The following ADGRB3 variants were observed in gnomAD, a reference collection of about 807,000 sequenced individuals.
ADGRB3 encodes brain-specific angiogenesis inhibitor 3.
Under a neutral mutation model 193.4 loss-of-function variants are expected in ADGRB3, and 37 were observed. The ratio of observed to expected loss-of-function variants is 0.19; its 90% CI spans 0.15 to 0.25. ADGRB3 has a LOEUF of 0.25. ADGRB3 is among the 10% of genes least tolerant of loss of function. ADGRB3 has a pLI of 1.00. For missense variants in ADGRB3, 1,637 were observed against 1,852.9 expected (o/e 0.88, Z 2.14); for synonymous variants, 690 against 644.2 (o/e 1.07, Z -1.08).
chr6:68,759,463 G>C (rs1327708172), intron 3 of ADGRB3, among the ~76,000 whole-genome samples: 1 of 151,896 alleles, frequency 6.6e-6, no homozygotes, highest in Non-Finnish European at 1.5e-5. Flanking sequence ...AATTATATCT[G>C]TTAATTCTTT....
chr6:68,995,246 G>A (rs1769352117), intron 11 of ADGRB3, among the ~76,000 whole-genome samples: 1 of 152,106 alleles, frequency 6.6e-6, no homozygotes, highest in Non-Finnish European at 1.5e-5. Context: ...CTGCAGTTCT[G>A]AAATGCTTCT....
intron 17 of ADGRB3, chr6:69,232,546 G>C (rs1766166304): frequency 6.5e-7 from 1 of 1,535,692 alleles, no homozygotes. Flanking sequence ...TTCTGCCCCA[G>C]GGCAAAGAAG....
intron 17 of ADGRB3, among the ~76,000 whole-genome samples, chr6:69,143,985 TAAC>T (rs1774413159): frequency 6.6e-6 from 1 of 152,216 alleles, no homozygotes; most frequent in South Asian, 2.1e-4. Flanking sequence ...ATGGATATTT[TAAC>T]AATATTGATT....
intron 17 of ADGRB3, among the ~76,000 whole-genome samples, chr6:69,078,654 G>C (rs187785809): frequency 6.6e-6 from 1 of 151,944 alleles, no homozygotes; most frequent in East Asian, 1.9e-4. Flanking sequence ...TCTAAACTGT[G>C]CTTCTGTGTA....
At chr6:68,816,278 AATTATC>A (rs2127378167) in intron 3 of ADGRB3, among the ~76,000 whole-genome samples, 1 of 152,186 alleles carries the variant, frequency 6.6e-6, no homozygotes, top group African/African-American at 2.4e-5. Flanking sequence ...TTGGAATAAA[AATTATC>A]ATTATTTATT....
At chr6:69,175,292 A>C (rs1283194511) in intron 17 of ADGRB3, among the ~76,000 whole-genome samples, 1 of 152,044 alleles carries the variant, frequency 6.6e-6, no homozygotes, top group Admixed American at 6.5e-5. Flanking sequence ...TAAGTGTTTA[A>C]CCCATCTTGA....
chr6:69,276,229 A>AGG (rs1204357112), intron 20 of ADGRB3, among the ~76,000 whole-genome samples: 1 of 152,230 alleles, frequency 6.6e-6, no homozygotes, highest in Non-Finnish European at 1.5e-5. Context: ...AGGAAGAGAG[A>AGG]GTGGATACCA....
intron 3 of ADGRB3, among the ~76,000 whole-genome samples, chr6:68,862,259 TGTA>T (rs919787343): frequency 6.6e-6 from 1 of 152,154 alleles, no homozygotes; most frequent in Non-Finnish European, 1.5e-5. Context: ...ATATCTTTGA[TGTA>T]GTCAAAAGTT....
intron 3 of ADGRB3, among the ~76,000 whole-genome samples, chr6:68,661,502 C>CAT (rs1379171788): frequency 4.9e-5 from 4 of 81,544 alleles, no homozygotes; most frequent in Admixed American, 2.7e-4. Flanking sequence ...TGTGTGTATA[C>CAT]ATATATATGT....
At chr6:68,843,182 G>A (rs1267437347) in intron 3 of ADGRB3, among the ~76,000 whole-genome samples, 1 of 151,892 alleles carries the variant, frequency 6.6e-6, no homozygotes, top group South Asian at 2.1e-4. Context: ...CCTATCTAGA[G>A]CAATCAGAAA....
intron 2 of ADGRB3, 76 bp from the exon 3 acceptor site, chr6:68,638,585 T>C: frequency 7.3e-7 from 1 of 1,376,990 alleles, no homozygotes; most frequent in East Asian, 2.3e-5. Context: ...CAGCTGGCTG[T>C]AATATTGAAA....
intron 17 of ADGRB3, among the ~76,000 whole-genome samples, chr6:69,131,607 A>G (rs1021459269): frequency 6.6e-6 from 1 of 152,070 alleles, no homozygotes; most frequent in African/African-American, 2.4e-5. Context: ...TATAACAAGT[A>G]CATTTTAACT....
intron 3 of ADGRB3, among the ~76,000 whole-genome samples, chr6:68,739,178 G>C (rs1411293277): frequency 1.3e-5 from 2 of 152,164 alleles, no homozygotes; most frequent in Non-Finnish European, 2.9e-5. Flanking sequence ...TTAAAAGGTA[G>C]AAGGCTGAAT....
rs997218273 is a variant in ADGRB3 at position 68,721,571 on chromosome 6, T to C, written c.757+82139T>C. On this transcript the variant is annotated intron_variant, in intron 3 of 31. Transcript: ENST00000370598. ...AGCACACCAACGTGGCACATGTATA[T>C]ATATGTAACAAACCTGCACGTTGTG... is the stretch of plus-strand genomic sequence containing the variant. Among the ~76,000 whole-genome samples, 6 of 150,310 alleles carry C rather than the reference T, an allele frequency of 4.0e-5. No individual in the cohort carries two copies. The South Asian group carries it at 8.4e-4, about 21-fold the overall frequency.
At chr6:68,801,543 G>T (rs536719885) in intron 3 of ADGRB3, among the ~76,000 whole-genome samples, 1 of 152,118 alleles carries the variant, frequency 6.6e-6, no homozygotes, top group Admixed American at 6.5e-5. Context: ...CAAAAAAATG[G>T]CTGGGTGTGG....
chr6:69,387,255 A>G (rs1562006365), intron 31 of ADGRB3, among the ~76,000 whole-genome samples: 1 of 152,058 alleles, frequency 6.6e-6, no homozygotes. Flanking sequence ...CTGGTAGCTA[A>G]TATGGTGTCT....
At chr6:69,121,760 C>T (rs1438762468) in intron 17 of ADGRB3, among the ~76,000 whole-genome samples, 2 of 149,802 alleles carry the variant, frequency 1.3e-5, no homozygotes, top group Non-Finnish European at 3.0e-5. Context: ...GGCGTAGGCG[C>T]TCCTCACCTC....
Position 69,034,926 on chromosome 6 carries a change from ATTTG to A in ADGRB3, c.2108-13251_2108-13248del, listed in dbSNP as rs371431153. Among the ~76,000 whole-genome samples the A allele has an allele frequency of 3.3e-3, 494 of 151,986 alleles. 2 individuals carry two copies. The highest frequency in any genetic ancestry group is 0.012 in the African/African-American group (477 of 41,478). On this transcript the variant is annotated intron_variant, in intron 13 of 31. Transcript: ENST00000370598. The stretch of plus-strand genomic sequence containing the variant: ...AGAGTAAGCTATTGTTTGTTTGAGG[ATTTG>A]TTTGTTTAATAATCCAAAGACCAAA...
chr6:68,739,661 G>T (rs1765939170), intron 3 of ADGRB3, among the ~76,000 whole-genome samples: 1 of 152,044 alleles, frequency 6.6e-6, no homozygotes, highest in Non-Finnish European at 1.5e-5. Context: ...TTTAAGATAT[G>T]GAAAGAGAGG....
Sources: allele counts gnomAD v4.1 joint callset (sites outside exome capture counted in the v4.1 genomes callset), GRCh38; gene constraint gnomAD v4.1.1; transcripts MANE v1.5; gene names NCBI Gene and HGNC (gene_info 2026-07-23, HGNC 2026-07-21).